The following ASIC2 variants were observed in gnomAD, a reference collection of about 807,000 sequenced individuals.
ASIC2 encodes the protein acid-sensing ion channel 2.
Under a neutral mutation model 57.3 loss-of-function variants are expected in ASIC2, and 25 were observed. The observed-to-expected ratio is 0.44, with a 90% CI of 0.32 to 0.61. The LOEUF (loss-of-function observed/expected upper bound fraction) is 0.61. Among genes scored for constraint, ASIC2 ranks in the 20% least tolerant of loss-of-function variants. The probability of loss-of-function intolerance (pLI) is 0.06; values close to 1 mark genes in which losing one functional copy is unlikely to be tolerated. For missense variants in ASIC2, 641 were observed against 738.1 expected, an observed-to-expected ratio of 0.87 and a Z score of 1.52; for synonymous variants, 319 against 307.5, an observed-to-expected ratio of 1.04 and a Z score of -0.39.
intron 1 of ASIC2, among the ~76,000 whole-genome samples, chr17:33,571,494 G>A (rs1639009594): frequency 6.6e-6 from 1 of 152,188 alleles, no homozygotes; most frequent in Non-Finnish European, 1.5e-5. Context: ...CCCAAAGACT[G>A]TGATCCAGCC....
intron 1 of ASIC2, among the ~76,000 whole-genome samples, chr17:33,128,263 G>A (rs371908199): frequency 7.2e-5 from 11 of 152,238 alleles, no homozygotes; most frequent in African/African-American, 2.2e-4. Flanking sequence ...ATCTCAGCTG[G>A]CTCTTCCAAA....
Position 33,195,666 on chromosome 17 carries a change from G to A in ASIC2, c.709-83599C>T, listed in dbSNP as rs1161307565. 3.3e-5 allele frequency among the ~76,000 whole-genome samples: 5 copies of A among 152,112 alleles called. No homozygotes were observed. The East Asian group carries it at 7.7e-4, about 23-fold the overall frequency. The stretch of plus-strand genomic sequence containing the variant: ...CAATAATTAAAACATATTACTTTGG[G>A]TCAGAGGACACACACGATCATCTTC... On this transcript the variant is annotated intron_variant, in intron 1 of 9. Coordinates refer to ENST00000225823, the MANE Select transcript of ASIC2 (RefSeq NM_183377.2).
intron 1 of ASIC2, among the ~76,000 whole-genome samples, chr17:33,168,447 T>C (rs1210829321): frequency 6.6e-6 from 1 of 152,198 alleles, no homozygotes; most frequent in Non-Finnish European, 1.5e-5. Context: ...AGGGAAAGTT[T>C]GGAACTCTTA....
chr17:33,332,641 G>A (rs1018012643), intron 1 of ASIC2, among the ~76,000 whole-genome samples: 4 of 151,998 alleles, frequency 2.6e-5, no homozygotes, highest in East Asian at 3.9e-4. Flanking sequence ...TTGTAATCCC[G>A]GCACTTTGGG....
At chr17:33,326,760 T>C (rs1364802208) in intron 1 of ASIC2, among the ~76,000 whole-genome samples, 1 of 152,204 alleles carries the variant, frequency 6.6e-6, no homozygotes, top group East Asian at 1.9e-4. Context: ...GTTTTCTCTG[T>C]CTCACTGCCT....
intron 1 of ASIC2, among the ~76,000 whole-genome samples, chr17:33,460,580 G>A (rs1912602844): frequency 6.6e-6 from 1 of 152,178 alleles, no homozygotes; most frequent in Admixed American, 6.5e-5. Flanking sequence ...CAGAAATGGG[G>A]AAAACTAATG....
At position 34,156,292 on chromosome 17, in the gene ASIC2, C is replaced by T. The variant is rs1233637146; in HGVS notation, c.241G>A (p.Ala81Thr). ...ACAGCTGGGAAGACCAGGCTTTGAG[C>T]CACCACTTCGTCCACCTTAGTGACA... The change falls in exon 1 of 10, where the codon GCT becomes ACT. Residue 81 changes from alanine (A) to threonine (T), a missense_variant. Transcript: ENST00000359872. The surrounding 1 kb of genome is among the most constrained non-coding windows in gnomAD (Gnocchi z 4.4). 4 of 1,614,184 alleles carry T rather than the reference C, an allele frequency of 2.5e-6. No individual in the cohort carries two copies. The highest frequency in any genetic ancestry group is 1.6e-4 in the Middle Eastern group (1 of 6,062).
intron 1 of ASIC2, among the ~76,000 whole-genome samples, chr17:33,550,600 T>C (rs1915722906): frequency 6.6e-6 from 1 of 152,222 alleles, no homozygotes; most frequent in South Asian, 2.1e-4. Context: ...GTCCTGTCTA[T>C]ATCACCTACT....
At chr17:33,557,104 C>G (rs746194481) in intron 1 of ASIC2, among the ~76,000 whole-genome samples, 1 of 152,194 alleles carries the variant, frequency 6.6e-6, no homozygotes, top group Non-Finnish European at 1.5e-5. Flanking sequence ...ATGCTGACCA[C>G]TTTCCAAGAA....
chr17:34,020,249 T>G (rs1322222308), intron 1 of ASIC2, among the ~76,000 whole-genome samples: 2 of 152,220 alleles, frequency 1.3e-5, no homozygotes, highest in African/African-American at 4.8e-5. Context: ...TAGACCTGGC[T>G]CAATAAATAC....
intron 1 of ASIC2, among the ~76,000 whole-genome samples, chr17:33,450,511 C>A (rs1327622641): frequency 2.6e-5 from 4 of 152,098 alleles, no homozygotes; most frequent in Non-Finnish European, 5.9e-5. Flanking sequence ...TTCTGGGATA[C>A]TTTTCTCTGT....
At chr17:33,703,718 GGA>G in intron 1 of ASIC2, among the ~76,000 whole-genome samples, 1 of 152,184 alleles carries the variant, frequency 6.6e-6, no homozygotes, top group East Asian at 1.9e-4. Flanking sequence ...TACATTCAGG[GGA>G]GAGAACCTGG....
intron 1 of ASIC2, among the ~76,000 whole-genome samples, chr17:34,056,852 A>T (rs902122551): frequency 2.0e-5 from 3 of 152,176 alleles, no homozygotes; most frequent in Admixed American, 1.3e-4. Context: ...GTTGGCTGGG[A>T]TCCTCTCATA....
chr17:33,858,043 C>T (rs1372182164), intron 1 of ASIC2, among the ~76,000 whole-genome samples: 1 of 152,196 alleles, frequency 6.6e-6, no homozygotes, highest in Non-Finnish European at 1.5e-5. Flanking sequence ...GCAGTGAGTT[C>T]TTCTGGGAGA....
At chr17:33,340,866 A>G (rs1220057561) in intron 1 of ASIC2, among the ~76,000 whole-genome samples, 2 of 152,120 alleles carry the variant, frequency 1.3e-5, no homozygotes, top group African/African-American at 4.8e-5. Flanking sequence ...TCCAGGGTGC[A>G]TCATTTAGGG....
intron 1 of ASIC2, among the ~76,000 whole-genome samples, chr17:33,511,295 C>T (rs1403229226): frequency 6.6e-6 from 1 of 152,140 alleles, no homozygotes; most frequent in Non-Finnish European, 1.5e-5. Flanking sequence ...CTGGATGCTG[C>T]TTTTATTTCT....
At chr17:33,300,835 CAGTTTAACT>C (rs1161783971) in intron 1 of ASIC2, among the ~76,000 whole-genome samples, 2 of 152,048 alleles carry the variant, frequency 1.3e-5, no homozygotes, top group Non-Finnish European at 2.9e-5. Flanking sequence ...AACGAGCATG[CAGTTTAACT>C]AAGATAGGAA....
intron 1 of ASIC2, among the ~76,000 whole-genome samples, chr17:33,671,113 A>G (rs1907626067): frequency 6.6e-6 from 1 of 152,090 alleles, no homozygotes; most frequent in Admixed American, 6.6e-5. Flanking sequence ...TTACTCCATG[A>G]TACAACTTGC....
rs1444706808 is a variant in ASIC2, at chr17:34,012,247, C to T, written c.555+143731G>A. Among the ~76,000 whole-genome samples, 5 of 152,092 alleles carry T rather than the reference C, an allele frequency of 3.3e-5. 1 individual carries two copies. Among genetic ancestry groups the T allele is most frequent in the Non-Finnish European group, 2.9e-5 (2 of 68,014 alleles). On this transcript the variant is annotated intron_variant, in intron 1 of 9. Coordinates refer to the ASIC2 transcript ENST00000359872. ...CATGACCCAACCCACAGAAATATCT[C>T]GATGCCTCCAATTGTAACATGCCAT... is the stretch of plus-strand genomic sequence containing the variant.
Sources: gnomAD v4.1 joint callset for allele counts (sites outside exome capture counted in the v4.1 genomes callset) on GRCh38, gnomAD v4.1.1 for gene constraint, Gnocchi (gnomAD v3.1) non-coding constraint, MANE v1.5 for transcripts, NCBI Gene and HGNC (gene_info 2026-07-23, HGNC 2026-07-21) for gene names.